Variants in TOX observed in about 807,000 individuals in gnomAD.
TOX encodes the protein thymocyte selection associated high mobility group box, also known as thymocyte selection-associated high mobility group box protein TOX.
A neutral mutation model predicts 53.7 loss-of-function variants in TOX; 11 were observed. The observed-to-expected ratio is 0.20, with a 90% CI of 0.13 to 0.34. The LOEUF (loss-of-function observed/expected upper bound fraction) is 0.34. TOX is among the 10% of genes least tolerant of loss of function. The probability of loss-of-function intolerance (pLI) is 1.00; values close to 1 mark genes in which losing one functional copy is unlikely to be tolerated. For synonymous variants in TOX, 225 were observed against 245.3 expected (o/e 0.92, Z 0.77); for missense variants, 570 against 664.6 (o/e 0.86, Z 1.56).
At chr8:59,043,429 C>T (rs1447579409) in intron 1 of TOX, among the ~76,000 whole-genome samples, 1 of 150,576 alleles carries the variant, frequency 6.6e-6, no homozygotes, top group Non-Finnish European at 1.5e-5. Context: ...TGAATATTTT[C>T]AAAATAAATT....
intron 1 of TOX, among the ~76,000 whole-genome samples, chr8:58,976,612 T>A (rs1408658701): frequency 6.6e-6 from 1 of 152,216 alleles, no homozygotes; most frequent in East Asian, 1.9e-4. Context: ...GGTTTTTACT[T>A]TACCTTTCCC....
intron 1 of TOX, among the ~76,000 whole-genome samples, chr8:59,063,371 A>T (rs1369151097): frequency 6.6e-6 from 1 of 151,616 alleles, no homozygotes; most frequent in East Asian, 1.9e-4. Flanking sequence ...ATTCCAAAAG[A>T]CTGAACGATG....
chr8:59,081,758 C>T (rs894620895), intron 1 of TOX, among the ~76,000 whole-genome samples: 9 of 152,058 alleles, frequency 5.9e-5, no homozygotes, highest in Admixed American at 2.0e-4. Flanking sequence ...GATGGTGAGG[C>T]GGTGGATAAA....
At chr8:59,092,265 T>TTTATATA (rs369108839) in intron 1 of TOX, among the ~76,000 whole-genome samples, 3 of 89,924 alleles carry the variant, frequency 3.3e-5, no homozygotes, top group Non-Finnish European at 5.3e-5. Flanking sequence ...TATATATATT[T>TTTATATA]TATATATATA....
At chr8:58,927,419 T>C (rs1378572572) in intron 3 of TOX, among the ~76,000 whole-genome samples, 4 of 151,924 alleles carry the variant, frequency 2.6e-5, no homozygotes, top group African/African-American at 9.7e-5. Context: ...TCACCAGAAA[T>C]GTAGAGGAGA....
rs1273581754 is a variant in TOX at position 59,092,273 on chromosome 8, A to ACATTATATATACAT, written c.102+26612_102+26613insATGTATATATAATG. Among the ~76,000 whole-genome samples the ACATTATATATACAT allele has an allele frequency of 3.5e-5, 4 of 113,748 alleles. No individual in the cohort carries two copies. In the East Asian group the frequency reaches 8.3e-4, roughly 24 times the overall value. 74.6% of individuals were successfully genotyped at this position (113,748 alleles called of 152,430 possible). A position where few individuals can be genotyped will look rare whatever the true frequency, so the allele number is the denominator to read the frequency against. ...TCTCATATATATATATTTTATATAT[A>ACATTATATATACAT]TATATATATTATATATACATTATAT... On this transcript the variant is annotated intron_variant, in intron 1 of 8. Coordinates refer to ENST00000361421, the MANE Select transcript of TOX (RefSeq NM_014729.3).
At chr8:59,028,604 A>G (rs924842364) in intron 1 of TOX, among the ~76,000 whole-genome samples, 2 of 152,178 alleles carry the variant, frequency 1.3e-5, no homozygotes, top group African/African-American at 4.8e-5. Context: ...GATATTGCCT[A>G]TGAACACTTT....
At chr8:58,958,207 A>G (rs1343044063) in intron 2 of TOX, among the ~76,000 whole-genome samples, 1 of 152,236 alleles carries the variant, frequency 6.6e-6, no homozygotes, top group Non-Finnish European at 1.5e-5. Context: ...CCTGACTGAC[A>G]TATGAAGAAA....
chr8:59,069,282 A>G (rs954862981), intron 1 of TOX, among the ~76,000 whole-genome samples: 1 of 152,186 alleles, frequency 6.6e-6, no homozygotes, highest in Admixed American at 6.5e-5. Flanking sequence ...CGAGGGAGCA[A>G]TGAGGATCCC....
chr8:58,981,830 C>T (rs1468206372), intron 1 of TOX, among the ~76,000 whole-genome samples: 1 of 152,126 alleles, frequency 6.6e-6, no homozygotes, highest in Non-Finnish European at 1.5e-5. Context: ...TTTCTCCATT[C>T]TTAAGAATAA....
intron 1 of TOX, among the ~76,000 whole-genome samples, chr8:59,038,413 T>C (rs1359359792): frequency 6.6e-6 from 1 of 152,190 alleles, no homozygotes; most frequent in African/African-American, 2.4e-5. Flanking sequence ...CAGAAATTTG[T>C]TCTTTGCTTG....
intron 1 of TOX, among the ~76,000 whole-genome samples, chr8:59,058,586 G>A (rs898948834): frequency 6.6e-6 from 1 of 152,162 alleles, no homozygotes; most frequent in Non-Finnish European, 1.5e-5. Flanking sequence ...GTCTGCCCCA[G>A]CTAAAGATGT....
chr8:58,908,360 C>G (rs893831543), intron 3 of TOX, among the ~76,000 whole-genome samples: 1 of 152,144 alleles, frequency 6.6e-6, no homozygotes, highest in Non-Finnish European at 1.5e-5. Flanking sequence ...ACTGTCTGAA[C>G]GCCTTTCCTG....
In TOX at chr8:58,805,778, A is replaced by G. The variant is rs1381055332; in HGVS notation, c.*1969T>C. 6.5e-6 allele frequency: 1 copy of G among 152,686 alleles called. No homozygotes were observed. Among genetic ancestry groups the G allele is most frequent in the East Asian group, 1.9e-4 (1 of 5,204 alleles). The allele number at this position is 152,686 out of a possible 1,614,324, so 9.5% of individuals were successfully genotyped here. A position where few individuals can be genotyped will look rare whatever the true frequency, so the allele number is the denominator to read the frequency against. On this transcript the variant is annotated 3_prime_UTR_variant, in exon 9 of 9. Coordinates refer to ENST00000361421, the MANE Select transcript of TOX (RefSeq NM_014729.3). ...ATGAGTTCTTATACAGTTTCAAGAC[A>G]GGAAAATTAGAGCTCTCAGCTACAG... is the stretch of plus-strand genomic sequence containing the variant.
At chr8:59,106,088 TTAA>T (rs1251941569) in intron 1 of TOX, among the ~76,000 whole-genome samples, 1 of 152,196 alleles carries the variant, frequency 6.6e-6, no homozygotes, top group Non-Finnish European at 1.5e-5. Context: ...ATTCATATGT[TTAA>T]TAATGTCATT....
chr8:59,024,367 T>C (rs1240603892), intron 1 of TOX, among the ~76,000 whole-genome samples: 1 of 152,246 alleles, frequency 6.6e-6, no homozygotes, highest in African/African-American at 2.4e-5. Context: ...TTCCTTTTTC[T>C]TGATAAATCA....
At chr8:59,013,523 G>A (rs1304386856) in intron 1 of TOX, among the ~76,000 whole-genome samples, 1 of 151,196 alleles carries the variant, frequency 6.6e-6, no homozygotes, top group South Asian at 2.1e-4. Flanking sequence ...CAATTCTCCT[G>A]CCTCAGCCTC....
At chr8:59,066,133 T>C (rs1804089374) in intron 1 of TOX, among the ~76,000 whole-genome samples, 1 of 152,220 alleles carries the variant, frequency 6.6e-6, no homozygotes, top group African/African-American at 2.4e-5. Context: ...CCTTCTTGGA[T>C]ATTGCTGAAT....
At chr8:59,021,463 C>CAAAAAAAAAAAA (rs148800261) in intron 1 of TOX, among the ~76,000 whole-genome samples, 3 of 69,688 alleles carry the variant, frequency 4.3e-5, no homozygotes, top group Non-Finnish European at 9.3e-5. Flanking sequence ...TTTCTACAAG[C>CAAAAAAAAAAAA]AAAAAAAAAA....
Sources: gnomAD v4.1 joint callset for allele counts (sites outside exome capture counted in the v4.1 genomes callset) on GRCh38, gnomAD v4.1.1 for gene constraint, MANE v1.5 for transcripts, NCBI Gene and HGNC (gene_info 2026-07-23, HGNC 2026-07-21) for gene names.